The following PRKCB variants were observed in gnomAD, a reference collection of about 807,000 sequenced individuals.
The protein encoded by PRKCB is protein kinase C beta, also known as protein kinase C beta type.
Under a neutral mutation model 81.5 loss-of-function variants are expected in PRKCB, and 13 were observed. That is an observed-to-expected ratio of 0.16 (90% CI 0.10 to 0.25). The LOEUF is 0.25. Among genes scored for constraint, PRKCB ranks in the 10% least tolerant of loss-of-function variants. PRKCB has a pLI of 1.00. For missense variants in PRKCB, 509 were observed against 875.7 expected, an observed-to-expected ratio of 0.58 and a Z score of 5.29; for synonymous variants, 335 against 321.4, an observed-to-expected ratio of 1.04 and a Z score of -0.45.
At chr16:23,978,789 T>C (rs1171450445) in intron 2 of PRKCB, among the ~76,000 whole-genome samples, 2 of 152,252 alleles carry the variant, frequency 1.3e-5, no homozygotes, top group Non-Finnish European at 2.9e-5. Context: ...ATATCTGTAC[T>C]ATCCAATGTT....
chr16:23,848,933 G>T (rs1206747899), intron 2 of PRKCB, among the ~76,000 whole-genome samples: 1 of 152,176 alleles, frequency 6.6e-6, no homozygotes, highest in Admixed American at 6.5e-5. Context: ...TCCTGTTGGG[G>T]AGGCAAGATG....
In PRKCB at chr16:24,032,116, G is replaced by A. The variant is rs1477844126; in HGVS notation, c.289-20G>A. The stretch of plus-strand genomic sequence containing the variant: ...TGCTCCACTGACGCTGGCTCCTTCT[G>A]TTGTTTCTCTTGGCTCCAGGACCCC... On this transcript the variant is annotated intron_variant, in intron 3 of 16. Coordinates refer to ENST00000643927, the MANE Select transcript of PRKCB (RefSeq NM_002738.7). The A allele has an allele frequency of 6.4e-7, 1 of 1,568,726 alleles. No individual in the cohort carries two copies. Among genetic ancestry groups the A allele is most frequent in the East Asian group, 2.2e-5 (1 of 44,596 alleles).
At chr16:23,950,866 G>A (rs928816119) in intron 2 of PRKCB, among the ~76,000 whole-genome samples, 2 of 152,172 alleles carry the variant, frequency 1.3e-5, no homozygotes, top group Admixed American at 6.5e-5. Flanking sequence ...TCAGGGCAAG[G>A]TTGCTGTCTG....
intron 2 of PRKCB, among the ~76,000 whole-genome samples, chr16:23,928,423 C>T (rs753807454): frequency 2.1e-4 from 32 of 152,072 alleles, no homozygotes; most frequent in African/African-American, 7.0e-4. Context: ...CCACCGCGCC[C>T]GGCCCACAGA....
intron 2 of PRKCB, among the ~76,000 whole-genome samples, chr16:23,928,794 C>T (rs954779495): frequency 1.3e-5 from 2 of 152,094 alleles, no homozygotes; most frequent in African/African-American, 4.8e-5. Context: ...TCTCGGCTCA[C>T]TGCAACCTCC....
intron 2 of PRKCB, among the ~76,000 whole-genome samples, chr16:23,986,792 G>C (rs529660660): frequency 2.0e-5 from 3 of 151,936 alleles, no homozygotes; most frequent in Non-Finnish European, 4.4e-5. Context: ...AGTAACATTA[G>C]TATAATGCAT....
chr16:23,917,403 G>A (rs1259531946), intron 2 of PRKCB, among the ~76,000 whole-genome samples: 3 of 152,216 alleles, frequency 2.0e-5, no homozygotes, highest in Non-Finnish European at 4.4e-5. Flanking sequence ...TGATTGCATC[G>A]TGGTCCATAG....
chr16:23,862,678 C>T (rs765664785), intron 2 of PRKCB, among the ~76,000 whole-genome samples: 8 of 152,022 alleles, frequency 5.3e-5, no homozygotes, highest in African/African-American at 1.2e-4. Context: ...ATAACAGAAA[C>T]GAGACTCTTT....
At chr16:24,043,275 AT>A (rs537251878) in intron 5 of PRKCB, among the ~76,000 whole-genome samples, 49 of 151,936 alleles carry the variant, frequency 3.2e-4, no homozygotes, top group African/African-American at 1.1e-3. Context: ...TAGTTGTTCA[AT>A]TTTTTTTGTT....
At chr16:23,990,954 A>G (rs928248927) in intron 3 of PRKCB, among the ~76,000 whole-genome samples, 1 of 152,178 alleles carries the variant, frequency 6.6e-6, no homozygotes, top group Non-Finnish European at 1.5e-5. Flanking sequence ...GCATACCCCA[A>G]TGCAGCCATC....
rs757243180 is a variant in PRKCB at position 24,124,008 on chromosome 16, T to A, written c.1065+27T>A. Reference sequence around the variant, plus strand: ...TATGGTATGATTTGGTGGCTCCACCTGCTTTGGAAGGAACATCTAACAACA... The same window carrying A: ...TATGGTATGATTTGGTGGCTCCACCAGCTTTGGAAGGAACATCTAACAACA... On this transcript the variant is annotated intron_variant, in intron 9 of 16. Transcript: ENST00000643927. 1.5e-5 allele frequency: 24 copies of A among 1,613,046 alleles called. No individual in the cohort carries two copies. The South Asian group carries it at 2.1e-4, about 14-fold the overall frequency.
intron 3 of PRKCB, among the ~76,000 whole-genome samples, chr16:24,015,462 G>A (rs547675336): frequency 1.3e-5 from 2 of 152,304 alleles, no homozygotes; most frequent in South Asian, 2.1e-4. Context: ...AACAGGTCAC[G>A]GGGGTTGAGG....
rs919232279 is a variant in PRKCB at position 24,189,586 on chromosome 16, G to T, written c.1723-1504G>T. 4.8e-5 allele frequency among the ~76,000 whole-genome samples: 7 copies of T among 147,280 alleles called. No individual in the cohort carries two copies. In the South Asian group the frequency reaches 1.5e-3, roughly 31 times the overall value. On this transcript the variant is annotated intron_variant, in intron 15 of 16. Transcript: ENST00000643927. ...GAACCCGGGAGGTGGAGCTTGCAGTGACCCGAGATCGCGCCTCTGCACTCC... is the reference window on the plus strand; with the variant it reads ...GAACCCGGGAGGTGGAGCTTGCAGTTACCCGAGATCGCGCCTCTGCACTCC...
chr16:23,958,150 C>T (rs1964375080), intron 2 of PRKCB, among the ~76,000 whole-genome samples: 1 of 152,026 alleles, frequency 6.6e-6, no homozygotes, highest in Non-Finnish European at 1.5e-5. Context: ...TGCCACCACG[C>T]CTGGCTAATT....
At chr16:23,989,936 T>C (rs549459820) in intron 3 of PRKCB, among the ~76,000 whole-genome samples, 1 of 152,140 alleles carries the variant, frequency 6.6e-6, no homozygotes, top group Non-Finnish European at 1.5e-5. Context: ...GATTTTTCCT[T>C]TCTGATAAGA....
At chr16:24,067,344 G>C (rs900600392) in intron 5 of PRKCB, among the ~76,000 whole-genome samples, 1 of 150,122 alleles carries the variant, frequency 6.7e-6, no homozygotes, top group African/African-American at 2.5e-5. Flanking sequence ...CTGTCACCTA[G>C]GCTGGAGTGC....
chr16:24,215,572 C>A lies in PRKCB; in HGVS notation c.*756C>A. The A allele has an allele frequency of 1.0e-6, 1 of 985,474 alleles. No homozygotes were observed. Among genetic ancestry groups the A allele is most frequent in the Non-Finnish European group, 1.2e-6 (1 of 829,846 alleles). The allele number at this position is 985,474 out of a possible 1,614,324, so 61.0% of individuals were successfully genotyped here. ...TCACTCTAGCAAGGCCCCCAAAGGGCCCTGGTTTTACATTACATTTCAAAC... is the reference window on the plus strand; with the variant it reads ...TCACTCTAGCAAGGCCCCCAAAGGGACCTGGTTTTACATTACATTTCAAAC... On this transcript the variant is annotated 3_prime_UTR_variant, in exon 17 of 17. Transcript: ENST00000643927.
At chr16:24,077,510 CA>C (rs1966194911) in intron 5 of PRKCB, among the ~76,000 whole-genome samples, 1 of 151,920 alleles carries the variant, frequency 6.6e-6, no homozygotes, top group Non-Finnish European at 1.5e-5. Context: ...TCCATCCATC[CA>C]TCCATCCAGT....
chr16:24,192,556 A>G (rs941554071), intron 16 of PRKCB, among the ~76,000 whole-genome samples: 15 of 152,188 alleles, frequency 9.9e-5, no homozygotes, highest in Admixed American at 8.5e-4. Flanking sequence ...GGGGTTATTT[A>G]TGAGATCTTG....
Sources: allele counts gnomAD v4.1 joint callset (sites outside exome capture counted in the v4.1 genomes callset), GRCh38; gene constraint gnomAD v4.1.1; transcripts MANE v1.5; gene names NCBI Gene and HGNC (gene_info 2026-07-23, HGNC 2026-07-21).